RTN1: variants seen among roughly 807,000 people sequenced by gnomAD.
RTN1 encodes reticulon-1.
RTN1 carries 25 observed loss-of-function variants against 65.5 expected under a neutral mutation model. The observed-to-expected ratio is 0.38, with a 90% confidence interval of 0.28 to 0.53. The LOEUF (loss-of-function observed/expected upper bound fraction) is 0.53. Among genes scored for constraint, RTN1 ranks in the 20% least tolerant of loss-of-function variants. The pLI is 0.79. For synonymous variants in RTN1, 471 were observed against 447.6 expected (o/e 1.05, Z -0.66); for missense variants, 983 against 1,025.4 (o/e 0.96, Z 0.57).
At chr14:59,702,628 G>T (rs549801278) in intron 3 of RTN1, among the ~76,000 whole-genome samples, 7 of 152,246 alleles carry the variant, frequency 4.6e-5, no homozygotes, top group African/African-American at 1.7e-4. Flanking sequence ...TCCAAAACCT[G>T]ATCATTTTTT....
intron 3 of RTN1, among the ~76,000 whole-genome samples, chr14:59,626,002 C>CA (rs1229222890): frequency 2.0e-5 from 3 of 152,054 alleles, no homozygotes; most frequent in African/African-American, 7.2e-5. Flanking sequence ...AGGGAGTCTG[C>CA]AATTGTTAAT....
intron 3 of RTN1, among the ~76,000 whole-genome samples, chr14:59,714,112 G>A (rs1278632558): frequency 6.6e-6 from 1 of 152,030 alleles, no homozygotes; most frequent in African/African-American, 2.4e-5. Context: ...GCAGGCGCCT[G>A]TAATCCCTGA....
intron 1 of RTN1, among the ~76,000 whole-genome samples, chr14:59,854,079 T>C (rs1019404710): frequency 4.6e-5 from 7 of 151,842 alleles, no homozygotes; most frequent in Non-Finnish European, 8.8e-5. Context: ...TGGCTGGTCT[T>C]GAACTCCTGA....
chr14:59,805,798 A>G (rs903877529), intron 1 of RTN1, among the ~76,000 whole-genome samples: 14 of 152,202 alleles, frequency 9.2e-5, no homozygotes, highest in Non-Finnish European at 1.3e-4. Flanking sequence ...AATTACATCA[A>G]TGAAGTTCCA....
At chr14:59,792,461 A>G (rs1886366488) in intron 1 of RTN1, among the ~76,000 whole-genome samples, 1 of 152,076 alleles carries the variant, frequency 6.6e-6, no homozygotes, top group Admixed American at 6.6e-5. Flanking sequence ...AGTAAATGGG[A>G]AAGCCAAATA....
At chr14:59,679,060 T>A (rs995741781) in intron 3 of RTN1, among the ~76,000 whole-genome samples, 2 of 152,174 alleles carry the variant, frequency 1.3e-5, no homozygotes, top group East Asian at 3.9e-4. Flanking sequence ...GAGTGACAGA[T>A]TGGATTGTGA....
At chr14:59,683,239 T>C (rs1398216096) in intron 3 of RTN1, among the ~76,000 whole-genome samples, 2 of 152,190 alleles carry the variant, frequency 1.3e-5, no homozygotes, top group Non-Finnish European at 2.9e-5. Flanking sequence ...TAATTTTGTG[T>C]ATTAACACAA....
Position 59,818,052 on chromosome 14 carries a change from A to G in RTN1, c.241+52338T>C, listed in dbSNP as rs144740092. Among the ~76,000 whole-genome samples, 467 of 152,286 alleles carry G rather than the reference A, an allele frequency of 3.1e-3. 2 individuals are homozygous for G. Among genetic ancestry groups the G allele is most frequent in the African/African-American group, 0.011 (441 of 41,548 alleles). On this transcript the variant is annotated intron_variant, in intron 1 of 8. Transcript: ENST00000267484. ...CACATTCCCCACTCAAGTAGGCCAC[A>G]GTGTCTGTTGTTCCCATCTTTGTGT...
At chr14:59,599,229 G>A (rs1201573794) in intron 8 of RTN1, among the ~76,000 whole-genome samples, 1 of 152,138 alleles carries the variant, frequency 6.6e-6, no homozygotes, top group Non-Finnish European at 1.5e-5. Context: ...TATCTGTAAA[G>A]TTGACTTTTT....
In RTN1 at chr14:59,672,277, A is replaced by G. The variant is rs76914710; in HGVS notation, c.1765+54642T>C. ...AGTAAATAGCAGCTGGTGTCCATTC[A>G]GCAGAAAGTGAAATTAGACAGTGCA... On this transcript the variant is annotated intron_variant, in intron 3 of 8. Transcript: ENST00000267484. Among the ~76,000 whole-genome samples, 384 of 152,346 alleles carry G rather than the reference A, an allele frequency of 2.5e-3. 1 individual carries two copies. The highest frequency in any genetic ancestry group is 9.0e-3 in the African/African-American group (376 of 41,584).
At chr14:59,715,780 C>T (rs1486216872) in intron 3 of RTN1, among the ~76,000 whole-genome samples, 1 of 150,168 alleles carries the variant, frequency 6.7e-6, no homozygotes, top group Non-Finnish European at 1.5e-5. Context: ...GAGCCGACAT[C>T]GCACCACTGC....
rs374878326 is a variant in RTN1, at chr14:59,749,993, A to ATATATTATATATTATATACATATATAT, written c.242-3513_242-3512insATATATATGTATATAATATATAATATA. Among the ~76,000 whole-genome samples, 16 of 69,624 alleles carry ATATATTATATATTATATACATATATAT rather than the reference A, an allele frequency of 2.3e-4. 1 individual carries two copies. The highest frequency in any genetic ancestry group is 1.1e-3 in the African/African-American group (15 of 13,234). 45.7% of individuals were successfully genotyped at this position (69,624 alleles called of 152,430 possible). On this transcript the variant is annotated intron_variant, in intron 1 of 8. Transcript: ENST00000267484. ...TATACATATATTATATATTATATAC[A>ATATATTATATATTATATACATATATAT]TATATATTATATACATATATATTAT...
chr14:59,609,925 C>T (rs1449018619), intron 3 of RTN1, among the ~76,000 whole-genome samples: 2 of 152,108 alleles, frequency 1.3e-5, no homozygotes, highest in Admixed American at 6.5e-5. Context: ...TTATGATGCT[C>T]GTACATATTT....
rs1023249102 is a variant in RTN1 at position 59,825,001 on chromosome 14, A to T, written c.241+45389T>A. Among the ~76,000 whole-genome samples, 1 of 152,210 alleles carries T rather than the reference A, an allele frequency of 6.6e-6. No homozygotes were observed. Among genetic ancestry groups the T allele is most frequent in the African/African-American group, 2.4e-5 (1 of 41,458 alleles). On this transcript the variant is annotated intron_variant, in intron 1 of 8. Transcript: ENST00000267484. This position sits in a 1 kb window ranked among gnomAD's most constrained non-coding sequence, Gnocchi z 4.2. ...AGGGGCTGGGGGAGCGAGGAAATGG[A>T]GAGATGCTGGTCAAAGGGTAAAAAC...
At chr14:59,817,273 GAA>G (rs1052283558) in intron 1 of RTN1, among the ~76,000 whole-genome samples, 17 of 151,998 alleles carry the variant, frequency 1.1e-4, no homozygotes, top group African/African-American at 2.7e-4. Context: ...GTGCTATGAA[GAA>G]AAAATAAAGG....
chr14:59,865,052 T>C (rs1887775152), intron 1 of RTN1, among the ~76,000 whole-genome samples: 1 of 152,128 alleles, frequency 6.6e-6, no homozygotes, highest in South Asian at 2.1e-4. Context: ...GCTACATACA[T>C]GTTGGTAATT....
Position 59,709,121 on chromosome 14 carries a change from A to G in RTN1, c.1765+17798T>C, listed in dbSNP as rs538725568. Reference sequence around the variant, plus strand: ...TGTAATAATGAGCCTAACTAGTTATATAAGAAAATGTCCTATTTTTAGAGA... The same window carrying G: ...TGTAATAATGAGCCTAACTAGTTATGTAAGAAAATGTCCTATTTTTAGAGA... On this transcript the variant is annotated intron_variant, in intron 3 of 8. Transcript: ENST00000267484. Among the ~76,000 whole-genome samples, 4 of 152,298 alleles carry G rather than the reference A, an allele frequency of 2.6e-5. No homozygotes were observed. The South Asian group carries it at 8.3e-4, about 32-fold the overall frequency.
At chr14:59,778,604 T>C (rs1886096835) in intron 1 of RTN1, among the ~76,000 whole-genome samples, 1 of 152,164 alleles carries the variant, frequency 6.6e-6, no homozygotes, top group African/African-American at 2.4e-5. Flanking sequence ...TGAGGGAAGT[T>C]TGTAAACAAA....
chr14:59,749,230 ATATATATCTATATATATC>A lies in RTN1; in HGVS notation c.242-2767_242-2750del, dbSNP rs1459523086. Among the ~76,000 whole-genome samples the A allele has an allele frequency of 1.2e-3, 57 of 46,972 alleles. 6 individuals carry two copies. Among genetic ancestry groups the A allele is most frequent in the African/African-American group, 5.5e-3 (38 of 6,944 alleles). The allele number at this position is 46,972 out of a possible 152,430, so 30.8% of individuals were successfully genotyped here. ...TATATCTATATATATCTATATATCTATATATATCTATATATATCTATATATCTATATATATCTATATAT... is the reference window on the plus strand; with the variant it reads ...TATATCTATATATATCTATATATCTATATATATCTATATATATCTATATAT... On this transcript the variant is annotated intron_variant, in intron 1 of 8. Transcript: ENST00000267484.
Sources: allele counts gnomAD v4.1 joint callset (sites outside exome capture counted in the v4.1 genomes callset), GRCh38; gene constraint gnomAD v4.1.1; non-coding constraint Gnocchi (gnomAD v3.1); transcripts MANE v1.5; gene names NCBI Gene and HGNC (gene_info 2026-07-23, HGNC 2026-07-21).